NSD2: variants seen among roughly 807,000 people sequenced by gnomAD.
The protein encoded by NSD2 is nuclear receptor binding SET domain protein 2.
Under a neutral mutation model 139.0 loss-of-function variants are expected in NSD2, and 12 were observed. The observed-to-expected ratio is 0.09, with a 90% CI of 0.06 to 0.14. The LOEUF is 0.14. Ranked by LOEUF, NSD2 falls within the 10% of genes least tolerant of loss-of-function variation. The pLI, the probability that NSD2 is intolerant of heterozygous loss-of-function variation, is 1.00. For synonymous variants in NSD2, 669 were observed against 648.7 expected, an observed-to-expected ratio of 1.03 and a Z score of -0.48; for missense variants, 1,155 against 1,745.0, an observed-to-expected ratio of 0.66 and a Z score of 6.02.
At chr4:1,952,922 A>G (rs1193417389) in intron 11 of NSD2, 2 of 1,411,072 alleles carry the variant, frequency 1.4e-6, no homozygotes, top group East Asian at 2.6e-5. Flanking sequence ...GCCCCACAGC[A>G]GCACCTCACT....
intron 17 of NSD2, among the ~76,000 whole-genome samples, chr4:1,960,081 A>G (rs1333892141): frequency 6.6e-6 from 1 of 151,586 alleles, no homozygotes; most frequent in Non-Finnish European, 1.5e-5. Flanking sequence ...CTCATTTCGA[A>G]CTCCTGGCCC....
chr4:1,921,782 A>G (rs1483941522), intron 5 of NSD2, among the ~76,000 whole-genome samples: 1 of 124,562 alleles, frequency 8.0e-6, no homozygotes, highest in Non-Finnish European at 1.7e-5. Flanking sequence ...ACTCTGTCTC[A>G]AAAAAAAAAA....
intron 1 of NSD2, among the ~76,000 whole-genome samples, chr4:1,885,459 AGTTGATAAAACTTCTGATAT>A (rs1404590217): frequency 2.0e-5 from 3 of 152,184 alleles, no homozygotes; most frequent in African/African-American, 4.8e-5. Context: ...CATTCTTGTA[AGTTGATAAAACTTCTGATAT>A]GTTGATAAAA....
At chr4:1,977,117 C>T (rs1383297247) in intron 21 of NSD2, among the ~76,000 whole-genome samples, 2 of 152,236 alleles carry the variant, frequency 1.3e-5, no homozygotes, top group Non-Finnish European at 2.9e-5. Context: ...GGGCCCAGAG[C>T]CCCTGTCCTG....
chr4:1,949,199 T>A (rs1723953952), intron 9 of NSD2, among the ~76,000 whole-genome samples: 1 of 152,238 alleles, frequency 6.6e-6, no homozygotes, highest in African/African-American at 2.4e-5. Context: ...AGTGGCCCTT[T>A]GTGGGTGTTA....
rs774556109 is a variant in NSD2, at chr4:1,918,353, T to G, written c.1140T>G (p.Ser380Arg). The change falls in exon 5 of 22, where the codon AGT becomes AGG. Residue 380 changes from serine (S) to arginine (R), a missense_variant. Physicochemically the swap from Ser to Arg is moderately radical, Grantham distance 110 (BLOSUM62 -1). Around this residue, in one of 8 missense-constraint regions of NSD2, gnomAD observed 420 missense variants for 469.0 expected, o/e 0.90. Transcript: ENST00000508803. Reference protein sequence around the residue: ...LGEMAESSGVSEEAAENPKSV... With the variant: ...LGEMAESSGVREEAAENPKSV... ...AAATGGCAGAATCCTCAGGAGTCAG[T>G]GAAGAAGCTGCTGAAAACCCCAAGT... 1.9e-6 allele frequency: 3 copies of G among 1,614,026 alleles called. No homozygotes were observed. In the East Asian group the frequency reaches 6.7e-5, roughly 36 times the overall value.
At chr4:1,895,608 C>A (rs182656865) in intron 1 of NSD2, among the ~76,000 whole-genome samples, 1 of 152,006 alleles carries the variant, frequency 6.6e-6, no homozygotes, top group African/African-American at 2.4e-5. Flanking sequence ...TGTAGAAGAC[C>A]TTCCATACTG....
intron 1 of NSD2, among the ~76,000 whole-genome samples, chr4:1,877,509 CT>C (rs1336981413): frequency 6.6e-6 from 1 of 152,142 alleles, no homozygotes; most frequent in Non-Finnish European, 1.5e-5. Context: ...ATTTTTGTTC[CT>C]TTCTTCTGCC....
intron 9 of NSD2, chr4:1,944,174 A>G (rs1411711837): frequency 3.9e-5 from 42 of 1,065,792 alleles, no homozygotes; most frequent in Non-Finnish European, 4.7e-5. Context: ...GGACAGTCCC[A>G]TGTGTGGCAG....
chr4:1,924,881 T>C (rs1720651828), intron 5 of NSD2, among the ~76,000 whole-genome samples: 1 of 152,156 alleles, frequency 6.6e-6, no homozygotes, highest in Admixed American at 6.5e-5. Context: ...GAGCCATCAT[T>C]GCGCCACTGC....
At chr4:1,969,973 C>T (rs1415626822) in intron 18 of NSD2, among the ~76,000 whole-genome samples, 1 of 152,142 alleles carries the variant, frequency 6.6e-6, no homozygotes, top group Admixed American at 6.5e-5. Flanking sequence ...GTAGGAACCA[C>T]AAGAACGGCA....
chr4:1,883,775 C>T (rs1444099902), intron 1 of NSD2, among the ~76,000 whole-genome samples: 1 of 152,170 alleles, frequency 6.6e-6, no homozygotes, highest in Non-Finnish European at 1.5e-5. Flanking sequence ...CCAGAGCGAG[C>T]AGCATGTGTG....
chr4:1,978,720 C>T lies in NSD2; in HGVS notation c.3909C>T (p.Phe1303=), dbSNP rs767126550. 5.0e-5 allele frequency: 81 copies of T among 1,614,068 alleles called. No homozygotes were observed. The highest frequency in any genetic ancestry group is 6.7e-5 in the East Asian group (3 of 44,894). ...TTTGCCACCTCTGCCCCAATTCGTT[C>T]TGTAAGGAGCACCAGGACGGGACAG... ...TSFCHLCPNS[F]CKEHQDGTAF... is the part of the protein sequence containing the mutation. The change falls in exon 22 of 22, where the codon TTC becomes TTT. Residue 1303 remains phenylalanine (F), a synonymous_variant. Coordinates refer to ENST00000508803, the MANE Select transcript of NSD2 (RefSeq NM_001042424.3).
chr4:1,878,936 A>C (rs571652928), intron 1 of NSD2, among the ~76,000 whole-genome samples: 2 of 152,168 alleles, frequency 1.3e-5, no homozygotes, highest in East Asian at 3.9e-4. Context: ...CCTTGGTCCA[A>C]TCCTTACAGA....
intron 5 of NSD2, among the ~76,000 whole-genome samples, chr4:1,925,389 CTTTTTTTTT>C (rs34335852): frequency 2.4e-4 from 9 of 37,998 alleles, no homozygotes; most frequent in African/African-American, 9.4e-4. Context: ...CTTTTTCTTT[CTTTTTTTTT>C]TTTTTTTTTT....
chr4:1,883,151 G>C (rs1714827987), intron 1 of NSD2, among the ~76,000 whole-genome samples: 1 of 152,186 alleles, frequency 6.6e-6, no homozygotes, highest in African/African-American at 2.4e-5. Flanking sequence ...GACAGAACCA[G>C]ATGGCTAGAG....
chr4:1,957,475 ATG>A (rs1301838213), intron 15 of NSD2, among the ~76,000 whole-genome samples: 1 of 148,470 alleles, frequency 6.7e-6, no homozygotes, highest in Non-Finnish European at 1.5e-5. Context: ...TTTGTAGAGA[ATG>A]GGGTTTCAGC....
Position 1,973,758 on chromosome 4 carries a change from ATGTTTATCCCAG to A in NSD2, c.3373-1094_3373-1083del, listed in dbSNP as rs1430214435. 3.2e-4 allele frequency among the ~76,000 whole-genome samples: 48 copies of A among 152,330 alleles called. 1 individual carries two copies. The highest frequency in any genetic ancestry group is 3.4e-3 in the Middle Eastern group (1 of 294). ...CCGAAGCCTGCCGCTTCCTGGGACC[ATGTTTATCCCAG>A]TGTTTATCCCTGTTCACACACGTGG... is the stretch of plus-strand genomic sequence containing the variant. On this transcript the variant is annotated intron_variant, in intron 18 of 21. Transcript: ENST00000508803. The surrounding 1 kb of genome is among the most constrained non-coding windows in gnomAD (Gnocchi z 5.5).
rs142907708 is a variant in NSD2, at chr4:1,946,096, A to C, written c.1882-4976A>C. 1,232 of 1,029,970 alleles carry C rather than the reference A, an allele frequency of 1.2e-3. 11 individuals are homozygous for C. The African/African-American group carries it at 0.019, about 16-fold the overall frequency. 63.8% of individuals were successfully genotyped at this position (1,029,970 alleles called of 1,614,324 possible). ...TTTAAAAAAAATCTATAAATAGGGTAATTGCTGAGGTGTGCGGTTTATCTT... is the reference window on the plus strand; with the variant it reads ...TTTAAAAAAAATCTATAAATAGGGTCATTGCTGAGGTGTGCGGTTTATCTT... On this transcript the variant is annotated intron_variant, in intron 9 of 21. Transcript: ENST00000508803.
Sources: allele counts gnomAD v4.1 joint callset (sites outside exome capture counted in the v4.1 genomes callset), GRCh38; gene constraint gnomAD v4.1.1; regional missense constraint gnomAD v4.1.1; non-coding constraint Gnocchi (gnomAD v3.1); transcripts MANE v1.5; gene names NCBI Gene and HGNC (gene_info 2026-07-23, HGNC 2026-07-21).